Variants in GRIK1 observed in about 807,000 individuals in gnomAD.
GRIK1 encodes the protein glutamate receptor ionotropic, kainate 1.
In GRIK1, 69 loss-of-function variants were observed where a neutral mutation model predicts 105.7. That is an observed-to-expected ratio of 0.65 (90% CI 0.54 to 0.80). The LOEUF is 0.80. Ranked by LOEUF, GRIK1 falls within the 30% of genes least tolerant of loss-of-function variation. The pLI is 0.00. For synonymous variants in GRIK1, 438 were observed against 431.3 expected (o/e 1.02, Z -0.19); for missense variants, 1,109 against 1,167.3 (o/e 0.95, Z 0.73).
intron 1 of GRIK1, among the ~76,000 whole-genome samples, chr21:29,704,656 A>G (rs2063871219): frequency 1.3e-5 from 2 of 152,148 alleles, no homozygotes; most frequent in Admixed American, 1.3e-4. Flanking sequence ...GAGGCCTTTG[A>G]GATACGTAGG....
chr21:29,912,817 G>T (rs1307805317), intron 1 of GRIK1, among the ~76,000 whole-genome samples: 1 of 152,004 alleles, frequency 6.6e-6, no homozygotes, highest in Non-Finnish European at 1.5e-5. Context: ...GGTATGTGAA[G>T]AGTTCATTCC....
At chr21:29,886,965 A>G (rs549016977) in intron 1 of GRIK1, among the ~76,000 whole-genome samples, 1 of 152,126 alleles carries the variant, frequency 6.6e-6, no homozygotes, top group African/African-American at 2.4e-5. Context: ...ACCTTATTAG[A>G]TTTATTTGGG....
At chr21:29,545,574 G>A (rs1190578998) in intron 16 of GRIK1, among the ~76,000 whole-genome samples, 1 of 152,152 alleles carries the variant, frequency 6.6e-6, no homozygotes, top group Non-Finnish European at 1.5e-5. Context: ...ACAGGGAATG[G>A]CACTACCTTT....
At chr21:29,770,324 T>A (rs2065783580) in intron 1 of GRIK1, among the ~76,000 whole-genome samples, 1 of 152,234 alleles carries the variant, frequency 6.6e-6, no homozygotes, top group Admixed American at 6.5e-5. Context: ...TCTCCAGTAG[T>A]GCCCACGTCT....
intron 16 of GRIK1, among the ~76,000 whole-genome samples, chr21:29,538,243 A>C (rs1304233753): frequency 6.6e-6 from 1 of 152,166 alleles, no homozygotes; most frequent in Admixed American, 6.5e-5. Context: ...TCCTGGTTAG[A>C]GAAATTTCTA....
chr21:29,620,783 A>C (rs1044304162), intron 7 of GRIK1, among the ~76,000 whole-genome samples: 10 of 111,014 alleles, frequency 9.0e-5, no homozygotes, highest in African/African-American at 4.5e-4. Flanking sequence ...ATATATATAG[A>C]TATATATATC....
At chr21:29,810,823 T>C (rs2066990706) in intron 1 of GRIK1, among the ~76,000 whole-genome samples, 1 of 152,088 alleles carries the variant, frequency 6.6e-6, no homozygotes, top group Admixed American at 6.6e-5. Flanking sequence ...AAGCATCTAT[T>C]TTCATGCTTG....
At chr21:29,733,637 A>T (rs1337091980) in intron 1 of GRIK1, among the ~76,000 whole-genome samples, 1 of 152,136 alleles carries the variant, frequency 6.6e-6, no homozygotes, top group Non-Finnish European at 1.5e-5. Flanking sequence ...TTTTAAGTTA[A>T]ATCTGAATTA....
At chr21:29,592,337 A>G (rs1251522417) in intron 9 of GRIK1, among the ~76,000 whole-genome samples, 1 of 152,196 alleles carries the variant, frequency 6.6e-6, no homozygotes, top group East Asian at 1.9e-4. Context: ...AAAACCAACC[A>G]TGGCAACTGG....
At chr21:29,916,543 C>T (rs902463080) in intron 1 of GRIK1, among the ~76,000 whole-genome samples, 6 of 151,794 alleles carry the variant, frequency 4.0e-5, no homozygotes, top group Non-Finnish European at 7.4e-5. Flanking sequence ...ACACATTTAA[C>T]TGAAAGGGGC....
intron 1 of GRIK1, among the ~76,000 whole-genome samples, chr21:29,708,608 C>T (rs2063971264): frequency 6.6e-6 from 1 of 152,114 alleles, no homozygotes; most frequent in Non-Finnish European, 1.5e-5. Flanking sequence ...GAGCAGAAGT[C>T]TCTGGTGTCA....
At chr21:29,656,871 T>C (rs2062864638) in intron 4 of GRIK1, among the ~76,000 whole-genome samples, 1 of 152,206 alleles carries the variant, frequency 6.6e-6, no homozygotes, top group East Asian at 1.9e-4. Context: ...GAAATTGCAA[T>C]GTCATGAACT....
chr21:29,684,665 G>T (rs1203795749), intron 3 of GRIK1, among the ~76,000 whole-genome samples: 2 of 152,008 alleles, frequency 1.3e-5, no homozygotes, highest in African/African-American at 2.4e-5. Flanking sequence ...CCGCCACCAC[G>T]CCAGGCTAAT....
At chr21:29,786,678 C>T (rs1319455308) in intron 1 of GRIK1, among the ~76,000 whole-genome samples, 1 of 152,126 alleles carries the variant, frequency 6.6e-6, no homozygotes, top group Non-Finnish European at 1.5e-5. Context: ...AAGTCTTGGG[C>T]AAGACATTGA....
intron 1 of GRIK1, among the ~76,000 whole-genome samples, chr21:29,839,792 ATATCT>A (rs1415030835): frequency 6.6e-6 from 1 of 152,128 alleles, no homozygotes; most frequent in African/African-American, 2.4e-5. Context: ...ACTCATCCTG[ATATCT>A]TATAAGGAAT....
chr21:29,542,505 A>C (rs937806832), intron 16 of GRIK1, among the ~76,000 whole-genome samples: 41 of 152,298 alleles, frequency 2.7e-4, no homozygotes, highest in African/African-American at 9.9e-4. Flanking sequence ...AGAATGATTC[A>C]GGGGAAAATA....
At chr21:29,926,037 G>A (rs2071358686) in intron 1 of GRIK1, among the ~76,000 whole-genome samples, 1 of 151,158 alleles carries the variant, frequency 6.6e-6, no homozygotes, top group South Asian at 2.1e-4. Flanking sequence ...TTTTAGAGAT[G>A]AAGACATTCC....
chr21:29,589,972 C>CT (rs2061309154), intron 10 of GRIK1, among the ~76,000 whole-genome samples: 1 of 152,144 alleles, frequency 6.6e-6, no homozygotes, highest in Non-Finnish European at 1.5e-5. Context: ...AATCTCACAT[C>CT]TGGTCATTCT....
rs146832366 is a variant in GRIK1 at position 29,785,999 on chromosome 21, T to G, written c.119-91936A>C. Reference sequence around the variant, plus strand: ...TGTCTCTCCTCTGTGTGTTTTGGTGTTGTTGTTTTGAGACGGAGTCTCGCT... The same window carrying G: ...TGTCTCTCCTCTGTGTGTTTTGGTGGTGTTGTTTTGAGACGGAGTCTCGCT... On this transcript the variant is annotated intron_variant, in intron 1 of 17. Coordinates refer to ENST00000327783, the MANE Select transcript of GRIK1 (RefSeq NM_001330994.2). 4.9e-4 allele frequency among the ~76,000 whole-genome samples: 75 copies of G among 152,330 alleles called. 1 individual carries two copies. The East Asian group carries it at 8.5e-3, about 17-fold the overall frequency.
Sources: gnomAD v4.1 joint callset for allele counts (sites outside exome capture counted in the v4.1 genomes callset) on GRCh38, gnomAD v4.1.1 for gene constraint, MANE v1.5 for transcripts, NCBI Gene and HGNC (gene_info 2026-07-23, HGNC 2026-07-21) for gene names.